Variants in PDE10A observed in about 807,000 individuals in gnomAD.
PDE10A encodes cAMP and cAMP-inhibited cGMP 3',5'-cyclic phosphodiesterase 10A.
A neutral mutation model predicts 97.7 loss-of-function variants in PDE10A; 39 were observed. The ratio of observed to expected loss-of-function variants is 0.40; its 90% CI spans 0.31 to 0.52. The LOEUF (loss-of-function observed/expected upper bound fraction) is 0.52, where lower values mean the gene tolerates loss of function less well. PDE10A is among the 20% of genes least tolerant of loss of function. The probability of loss-of-function intolerance (pLI) is 0.56; values close to 1 mark genes in which losing one functional copy is unlikely to be tolerated. For missense variants in PDE10A, 731 were observed against 1,047.8 expected (o/e 0.70, Z 4.17); for synonymous variants, 371 against 376.8 (o/e 0.98, Z 0.18).
chr6:165,777,583 T>C (rs1184124797), intron 1 of PDE10A, among the ~76,000 whole-genome samples: 1 of 152,220 alleles, frequency 6.6e-6, no homozygotes, highest in Non-Finnish European at 1.5e-5. Context: ...GTTAAATATA[T>C]GAACGTCTCT....
intron 1 of PDE10A, among the ~76,000 whole-genome samples, chr6:165,650,631 T>G (rs1789635952): frequency 6.6e-6 from 1 of 152,250 alleles, no homozygotes. Context: ...GGCCATTAGA[T>G]GGTTTCCAAT....
intron 1 of PDE10A, among the ~76,000 whole-genome samples, chr6:165,874,784 C>A (rs768877510): frequency 1.3e-5 from 2 of 152,198 alleles, no homozygotes; most frequent in African/African-American, 4.8e-5. Context: ...TCCAGTATGG[C>A]GTAGTGGGTC....
chr6:165,922,959 G>T (rs986197311), intron 1 of PDE10A, among the ~76,000 whole-genome samples: 2 of 152,302 alleles, frequency 1.3e-5, no homozygotes, highest in African/African-American at 4.8e-5. Flanking sequence ...CACAGAGGAT[G>T]ACTTTACCTC....
At chr6:165,739,267 A>G (rs1276891068) in intron 1 of PDE10A, among the ~76,000 whole-genome samples, 1 of 152,226 alleles carries the variant, frequency 6.6e-6, no homozygotes, top group African/African-American at 2.4e-5. Context: ...CAACAAAAGT[A>G]TGGTACTGGC....
intron 18 of PDE10A, among the ~76,000 whole-genome samples, chr6:165,346,757 A>C (rs1227809225): frequency 6.6e-6 from 1 of 152,210 alleles, no homozygotes; most frequent in Admixed American, 6.5e-5. Flanking sequence ...TGGCCAGCCA[A>C]GGATATACTA....
At chr6:165,433,559 C>T (rs1043257181) in intron 6 of PDE10A, among the ~76,000 whole-genome samples, 4 of 151,978 alleles carry the variant, frequency 2.6e-5, no homozygotes, top group African/African-American at 9.7e-5. Flanking sequence ...TATTTTTAAG[C>T]CTAGAGTAAC....
intron 1 of PDE10A, among the ~76,000 whole-genome samples, chr6:165,691,111 C>CCCCA (rs1791272269): frequency 9.3e-6 from 1 of 107,650 alleles, no homozygotes; most frequent in Non-Finnish European, 2.0e-5. Flanking sequence ...CTCTCTCCCC[C>CCCCA]CCCCCATCAG....
At chr6:165,571,057 C>T (rs1785027267) in intron 1 of PDE10A, among the ~76,000 whole-genome samples, 1 of 152,224 alleles carries the variant, frequency 6.6e-6, no homozygotes, top group Non-Finnish European at 1.5e-5. Context: ...CTTTCACACA[C>T]TAAGCACTAA....
intron 1 of PDE10A, among the ~76,000 whole-genome samples, chr6:165,725,376 T>A (rs1792266602): frequency 6.6e-6 from 1 of 152,154 alleles, no homozygotes; most frequent in African/African-American, 2.4e-5. Context: ...CTGTACACAC[T>A]CAACCCTAGA....
intron 1 of PDE10A, among the ~76,000 whole-genome samples, chr6:165,605,573 C>T (rs1466691541): frequency 6.6e-6 from 1 of 152,092 alleles, no homozygotes; most frequent in African/African-American, 2.4e-5. Flanking sequence ...CTCCATATAA[C>T]TTTTCTGCTC....
chr6:165,453,662 G>A (rs1777768712), intron 3 of PDE10A, among the ~76,000 whole-genome samples: 1 of 152,250 alleles, frequency 6.6e-6, no homozygotes, highest in Non-Finnish European at 1.5e-5. Flanking sequence ...GTAAGTCATA[G>A]TGGTATCCAC....
chr6:165,438,797 A>G (rs980525187), intron 5 of PDE10A, among the ~76,000 whole-genome samples: 4 of 151,992 alleles, frequency 2.6e-5, no homozygotes, highest in Non-Finnish European at 4.4e-5. Context: ...ACCTCTACAA[A>G]AAATAAAAAC....
At chr6:165,630,872 G>A (rs971775805) in intron 1 of PDE10A, among the ~76,000 whole-genome samples, 4 of 152,140 alleles carry the variant, frequency 2.6e-5, no homozygotes, top group African/African-American at 9.7e-5. Flanking sequence ...GGAAATATTA[G>A]AGAGACTGAA....
intron 1 of PDE10A, among the ~76,000 whole-genome samples, chr6:165,720,357 T>C (rs753829261): frequency 6.6e-6 from 1 of 152,166 alleles, no homozygotes; most frequent in African/African-American, 2.4e-5. Context: ...AGCCCCGATG[T>C]ACAAATTAGG....
chr6:165,787,889 T>C (rs1390852801), intron 1 of PDE10A, among the ~76,000 whole-genome samples: 2 of 152,166 alleles, frequency 1.3e-5, no homozygotes, highest in East Asian at 3.9e-4. Flanking sequence ...GAATAAATAT[T>C]TTAAAAGCTC....
At chr6:165,489,637 T>C (rs1562515287) in intron 2 of PDE10A, among the ~76,000 whole-genome samples, 1 of 152,200 alleles carries the variant, frequency 6.6e-6, no homozygotes, top group Non-Finnish European at 1.5e-5. Flanking sequence ...AGGTCGACTA[T>C]TAAGCTAATT....
At chr6:165,706,478 C>T (rs1038432878) in intron 1 of PDE10A, among the ~76,000 whole-genome samples, 1 of 152,140 alleles carries the variant, frequency 6.6e-6, no homozygotes, top group African/African-American at 2.4e-5. Flanking sequence ...TCAATAAAGT[C>T]CATTTCTGAT....
At chr6:165,368,364 G>A (rs556308905) in intron 18 of PDE10A, among the ~76,000 whole-genome samples, 32 of 152,234 alleles carry the variant, frequency 2.1e-4, no homozygotes, top group Non-Finnish European at 4.4e-4. Flanking sequence ...TATGTGGGGT[G>A]TATAACATAT....
chr6:165,693,657 G>A (rs893588840), intron 1 of PDE10A, among the ~76,000 whole-genome samples: 3 of 150,458 alleles, frequency 2.0e-5, no homozygotes, highest in Admixed American at 6.6e-5. Context: ...TACAACTATT[G>A]TTTAAGAGCT....
Sources: gnomAD v4.1 joint callset for allele counts (sites outside exome capture counted in the v4.1 genomes callset) on GRCh38, gnomAD v4.1.1 for gene constraint, MANE v1.5 for transcripts, NCBI Gene and HGNC (gene_info 2026-07-23, HGNC 2026-07-21) for gene names.